ZNF500: variants seen among roughly 807,000 people sequenced by gnomAD.
ZNF500 encodes the protein zinc finger protein with KRAB and SCAN domains 18.
ZNF500 carries 31 observed loss-of-function variants against 30.1 expected under a neutral mutation model. The observed-to-expected ratio is 1.03, with a 90% confidence interval of 0.77 to 1.39. The LOEUF (loss-of-function observed/expected upper bound fraction) is 1.39. Among genes scored for constraint, ZNF500 ranks in the 40% most tolerant of loss-of-function variants. The pLI is 0.00. For synonymous variants in ZNF500, 392 were observed against 282.0 expected, an observed-to-expected ratio of 1.39 and a Z score of -3.91; for missense variants, 817 against 657.8, an observed-to-expected ratio of 1.24 and a Z score of -2.65.
At chr16:4,755,766 G>A (rs768305346) in intron 5 of ZNF500, among the ~76,000 whole-genome samples, 1 of 152,122 alleles carries the variant, frequency 6.6e-6, no homozygotes, top group Non-Finnish European at 1.5e-5. Flanking sequence ...AAATGTTCAC[G>A]ACAGCACTCT....
At position 4,765,655 on chromosome 16, in the gene ZNF500, A is replaced by G. The variant is rs762452768; in HGVS notation, c.324T>C (p.Ala108=). ...TCTCCGGCTGCTGCTCGCGTACCCG[A>G]GCCTGGATCTCCCCCGGCAGCACAG... ...FLTVLPGEIQ[A]RVREQQPESG... The change falls in exon 2 of 6, where the codon GCT becomes GCC. Residue 108 remains alanine, a synonymous_variant. Coordinates refer to ENST00000219478, the MANE Select transcript of ZNF500 (RefSeq NM_021646.4). 25 of 1,613,428 alleles carry G rather than the reference A, an allele frequency of 1.5e-5. No individual in the cohort carries two copies. Among genetic ancestry groups the G allele is most frequent in the Admixed American group, 6.7e-5 (4 of 59,982 alleles).
At chr16:4,757,463 C>T (rs150880339) in intron 5 of ZNF500, among the ~76,000 whole-genome samples, 193 of 152,078 alleles carry the variant, frequency 1.3e-3, no homozygotes, top group African/African-American at 4.2e-3. Flanking sequence ...CAGGCATGCA[C>T]CACTTTTGTA....
chr16:4,759,538 TC>T (rs2082174643), intron 5 of ZNF500, among the ~76,000 whole-genome samples: 1 of 152,160 alleles, frequency 6.6e-6, no homozygotes, highest in South Asian at 2.1e-4. Flanking sequence ...GAAGTCTGCC[TC>T]AAGACCGTGG....
intron 2 of ZNF500, among the ~76,000 whole-genome samples, chr16:4,764,709 G>A (rs2082243661): frequency 6.6e-6 from 1 of 150,980 alleles, no homozygotes; most frequent in Admixed American, 6.6e-5. Flanking sequence ...GTGAATCCGG[G>A]AGGCGGAGCT....
At chr16:4,747,076 C>A, downstream of ZNF500, 1 of 1,467,190 alleles carries the variant, frequency 6.8e-7, no homozygotes, top group South Asian at 1.3e-5. Flanking sequence ...CCTCTGCTTT[C>A]TGCAGCAAGC....
downstream of ZNF500, chr16:4,746,088 G>C (rs1333881622): frequency 2.2e-5 from 7 of 320,684 alleles, no homozygotes; most frequent in East Asian, 3.4e-4. Flanking sequence ...TTTATGCATT[G>C]GATTTAAACT....
At position 4,750,436 on chromosome 16, in the gene ZNF500, TC is replaced by T. The variant is rs1370701543; in HGVS notation, c.*1939del. On this transcript the variant is annotated 3_prime_UTR_variant, in exon 6 of 6. Coordinates refer to ENST00000219478, the MANE Select transcript of ZNF500 (RefSeq NM_021646.4). ...TCAACTTCCTGGGCTCAAGTGATCC[TC>T]CAGCCTCAGCCTCTCAAGTAGCTGG... 6.6e-6 allele frequency: 1 copy of T among 151,572 alleles called. No homozygotes were observed. The highest frequency in any genetic ancestry group is 1.5e-5 in the Non-Finnish European group (1 of 67,990). The allele number at this position is 151,572 out of a possible 1,614,324, so 9.4% of individuals were successfully genotyped here.
chr16:4,758,784 C>T (rs184161796), intron 5 of ZNF500, among the ~76,000 whole-genome samples: 19 of 152,296 alleles, frequency 1.2e-4, no homozygotes, highest in Admixed American at 3.9e-4. Flanking sequence ...GAGCCCCATA[C>T]AACATCATCT....
rs200227773 is a variant in ZNF500 at position 4,762,299 on chromosome 16, G to C, written c.635C>G (p.Ala212Gly). Reference sequence around the variant, plus strand: ...GGACCAGGCCGAAAGGAAGGGCGAGGCTGACGCCATCTCCTGATGCCGGGG... The same window carrying C: ...GGACCAGGCCGAAAGGAAGGGCGAGCCTGACGCCATCTCCTGATGCCGGGG... ...PAPRHQEMASASPFLSAWSQV... is the reference protein window; with the variant it reads ...PAPRHQEMASGSPFLSAWSQV... Residue 212 changes from alanine to glycine, a missense_variant, in exon 4 of 6, where the codon GCC becomes GGC. By Grantham distance (60) the Ala-to-Gly change is moderately conservative. Coordinates refer to ENST00000219478, the MANE Select transcript of ZNF500 (RefSeq NM_021646.4). 4 of 1,611,388 alleles carry C rather than the reference G, an allele frequency of 2.5e-6. No individual in the cohort carries two copies. The East Asian group carries it at 6.7e-5, about 27-fold the overall frequency.
rs781083592 is a variant in ZNF500 at position 4,752,471 on chromosome 16, T to C, written c.1348A>G (p.Thr450Ala). 153 of 1,544,244 alleles carry C rather than the reference T, an allele frequency of 9.9e-5. No homozygotes were observed. The highest frequency in any genetic ancestry group is 1.2e-4 in the Non-Finnish European group (141 of 1,149,768). Residue 450 changes from threonine (T) to alanine (A), a missense_variant, in exon 6 of 6, where the codon ACC becomes GCC. By Grantham distance (58) the Thr-to-Ala change is moderately conservative (BLOSUM62 0). Transcript: ENST00000219478. ...GTCCGCTGGTGCTTGTGCAGGTCGG[T>C]GCCCCGGCGGAAGCCCCGGCCACAG... Reference protein sequence around the residue: ...PACGRGFRRGTDLHKHQRTHM... With the variant: ...PACGRGFRRGADLHKHQRTHM...
intron 5 of ZNF500, among the ~76,000 whole-genome samples, chr16:4,753,555 A>G (rs972109538): frequency 6.6e-6 from 1 of 152,218 alleles, no homozygotes; most frequent in Non-Finnish European, 1.5e-5. Context: ...TCCATCCTGC[A>G]GATGGGGAAA....
intron 5 of ZNF500, among the ~76,000 whole-genome samples, chr16:4,758,060 C>G (rs972076139): frequency 6.6e-6 from 1 of 151,378 alleles, no homozygotes; most frequent in African/African-American, 2.4e-5. Context: ...CGCCATCACG[C>G]CTAATTTTTG....
At chr16:4,763,032 C>G in intron 2 of ZNF500, 5 of 985,446 alleles carry the variant, frequency 5.1e-6, no homozygotes, top group Non-Finnish European at 6.0e-6. Context: ...GGGATAGACC[C>G]TGGGCCAGAA....
In ZNF500 at chr16:4,753,947, G is replaced by A. The variant is rs147112549; in HGVS notation, c.761-889C>T. ...CCCCTGAGGCCCCTCTGCAGATCCA[G>A]GTTCTAGAGCCACCACCAACAGGAC... is the stretch of plus-strand genomic sequence containing the variant. On this transcript the variant is annotated intron_variant, in intron 5 of 5. Transcript: ENST00000219478. Among the ~76,000 whole-genome samples the A allele has an allele frequency of 4.1e-3, 621 of 152,374 alleles. 4 individuals carry two copies. The highest frequency in any genetic ancestry group is 0.014 in the African/African-American group (596 of 41,592).
chr16:4,765,823 G>T lies in ZNF500; in HGVS notation c.156C>A (p.Leu52=). ...EDPSPETFRQ[L]FRLFCYQEVA... ...CCTCCTGGTAGCAGAAGAGCCGGAA[G>T]AGCTGGCGGAAAGTCTCAGGGCTGG... Residue 52 remains leucine, a synonymous_variant, in exon 2 of 6, where the codon CTC becomes CTA. Coordinates refer to ENST00000219478, the MANE Select transcript of ZNF500 (RefSeq NM_021646.4). The T allele has an allele frequency of 3.1e-6, 5 of 1,613,654 alleles. No homozygotes were observed. The highest frequency in any genetic ancestry group is 3.4e-6 in the Non-Finnish European group (4 of 1,180,002).
At chr16:4,764,736 T>G (rs1038726527) in intron 2 of ZNF500, among the ~76,000 whole-genome samples, 1 of 146,674 alleles carries the variant, frequency 6.8e-6, no homozygotes, top group Non-Finnish European at 1.5e-5. Flanking sequence ...GAGCCGAGAT[T>G]GCGCCACTGC....
At chr16:4,757,361 G>A (rs1221196048) in intron 5 of ZNF500, among the ~76,000 whole-genome samples, 1 of 152,138 alleles carries the variant, frequency 6.6e-6, no homozygotes, top group Non-Finnish European at 1.5e-5. Context: ...TGCCCAGGCT[G>A]GAGTGCAGTG....
In ZNF500 at chr16:4,752,990, G is replaced by C. The variant is rs776785684; in HGVS notation, c.829C>G (p.Arg277Gly). The part of the protein sequence containing the change: ...EDAPLRMEWY[R>G]VLSARCQGPG... The stretch of plus-strand genomic sequence containing the variant: ...CCCTGGCATCGTGCCGAGAGCACTC[G>C]GTACCACTCCATTCTCAACGGGGCA... The change falls in exon 6 of 6, where the codon CGA becomes GGA. Residue 277 changes from arginine (R) to glycine (G), a missense_variant. By Grantham distance (125) the Arg-to-Gly change is moderately radical (BLOSUM62 -2). Transcript: ENST00000219478. The C allele has an allele frequency of 3.8e-6, 6 of 1,592,042 alleles. No homozygotes were observed. The highest frequency in any genetic ancestry group is 5.1e-6 in the Non-Finnish European group (6 of 1,169,206).
At chr16:4,747,540 C>A (rs1475889370), downstream of ZNF500, 3 of 1,612,730 alleles carry the variant, frequency 1.9e-6, no homozygotes, top group Admixed American at 1.7e-5. Flanking sequence ...GCTCGACTCC[C>A]AAGAGGCAGG....
Sources: allele counts gnomAD v4.1 joint callset (sites outside exome capture counted in the v4.1 genomes callset), GRCh38; gene constraint gnomAD v4.1.1; transcripts MANE v1.5; gene names NCBI Gene and HGNC (gene_info 2026-07-23, HGNC 2026-07-21).